Variants in OR5A1 observed in about 807,000 individuals in gnomAD.
The protein encoded by OR5A1 is olfactory receptor 5A1.
OR5A1 carries 6 observed loss-of-function variants against 6.7 expected under a neutral mutation model. That is an observed-to-expected ratio of 0.89 (90% CI 0.49 to 1.76). The LOEUF is 1.76. Ranked by LOEUF, OR5A1 falls within the 40% of genes most tolerant of loss-of-function variation. The probability of loss-of-function intolerance (pLI) is 0.01; values close to 1 mark genes in which losing one functional copy is unlikely to be tolerated. For synonymous variants in OR5A1, 170 were observed against 155.0 expected, an observed-to-expected ratio of 1.10 and a Z score of -0.72; for missense variants, 378 against 381.7, an observed-to-expected ratio of 0.99 and a Z score of 0.08.
At position 59,448,498 on chromosome 11, in the gene OR5A1, C is replaced by A. The variant is rs1341047879; in HGVS notation, c.*4382C>A. The A allele has an allele frequency of 2.0e-5, 3 of 151,894 alleles. No individual in the cohort carries two copies. Among genetic ancestry groups the A allele is most frequent in the Non-Finnish European group, 4.4e-5 (3 of 67,984 alleles). 9.4% of individuals were successfully genotyped at this position (151,894 alleles called of 1,614,324 possible). On this transcript the variant is annotated 3_prime_UTR_variant, in exon 2 of 2. Coordinates refer to ENST00000641045, the MANE Select transcript of OR5A1 (RefSeq NM_001004728.2). ...TTGGATCTTACAGGATTATTATGAG[C>A]CCAAAAAAAGAAAATTGATTTTTAG...
intron 1 of OR5A1, among the ~76,000 whole-genome samples, chr11:59,437,777 C>G (rs1858435861): frequency 6.6e-6 from 1 of 152,168 alleles, no homozygotes; most frequent in Non-Finnish European, 1.5e-5. Flanking sequence ...CTTGATTTAT[C>G]AGTTGAATAA....
chr11:59,442,887 G>A (rs138081006), intron 1 of OR5A1, among the ~76,000 whole-genome samples: 130 of 152,304 alleles, frequency 8.5e-4, no homozygotes, highest in African/African-American at 3.0e-3. Flanking sequence ...AATGGTGGAG[G>A]CAGGAGTTGA....
At chr11:59,439,668 G>A (rs2134534408) in intron 1 of OR5A1, among the ~76,000 whole-genome samples, 1 of 152,230 alleles carries the variant, frequency 6.6e-6, no homozygotes, top group South Asian at 2.1e-4. Context: ...GTTTCAATTT[G>A]TCCAGCTCCA....
intron 1 of OR5A1, among the ~76,000 whole-genome samples, chr11:59,439,315 G>A (rs17153716): frequency 0.03 from 4,555 of 152,254 alleles, 114 homozygotes; most frequent in Admixed American, 0.067. Context: ...TGTCAGTCAA[G>A]GATAGTGTAG....
rs1858591047 is a variant in OR5A1 at position 59,449,480 on chromosome 11, A to T, written c.*5364A>T. On this transcript the variant is annotated 3_prime_UTR_variant, in exon 2 of 2. Transcript: ENST00000641045. Reference sequence around the variant, plus strand: ...CCTAAAATACTGGGCTTCCTAAGACACATTCAAATAAGGTAATTTTTCAAA... The same window carrying T: ...CCTAAAATACTGGGCTTCCTAAGACTCATTCAAATAAGGTAATTTTTCAAA... 1 of 152,218 alleles carries T rather than the reference A, an allele frequency of 6.6e-6. No individual in the cohort carries two copies. The highest frequency in any genetic ancestry group is 1.5e-5 in the Non-Finnish European group (1 of 68,040). 9.4% of individuals were successfully genotyped at this position (152,218 alleles called of 1,614,324 possible).
chr11:59,448,439 G>T lies in OR5A1; in HGVS notation c.*4323G>T, dbSNP rs1858577568. The T allele has an allele frequency of 6.6e-6, 1 of 152,100 alleles. No individual in the cohort carries two copies. The highest frequency in any genetic ancestry group is 2.4e-5 in the African/African-American group (1 of 41,412). The allele number at this position is 152,100 out of a possible 1,614,324, so 9.4% of individuals were successfully genotyped here. ...TCAGTATCTCCAGGTCTCAGTCAAG[G>T]CCTCTTTATGATGACGTTGGTCTCA... is the stretch of plus-strand genomic sequence containing the variant. On this transcript the variant is annotated 3_prime_UTR_variant, in exon 2 of 2. Coordinates refer to ENST00000641045, the MANE Select transcript of OR5A1 (RefSeq NM_001004728.2).
In OR5A1 at chr11:59,443,718, C is replaced by T. The variant is rs769300029; in HGVS notation, c.550C>T (p.Leu184Phe). 29 of 1,614,020 alleles carry T rather than the reference C, an allele frequency of 1.8e-5. No individual in the cohort carries two copies. In the South Asian group the frequency reaches 3.1e-4, roughly 17 times the overall value. ...CATCATCAACCACTTCTTCTGCGAC[C>T]TCCCACCAGTCCTGGCTCTGTCTTG... The part of the protein sequence containing the change: ...PNIINHFFCD[L>F]PPVLALSCSD... Residue 184 changes from leucine to phenylalanine, a missense_variant, in exon 2 of 2, where the codon CTC (leucine) becomes TTC (phenylalanine). Transcript: ENST00000641045.
rs1338361521 is a variant in OR5A1, at chr11:59,443,922, ACT to A, written c.757_758del (p.Leu253AlafsTer67). ...NTCASHLMVV[T>X]LLFGTALFVY... ...GTGTGCCTCGCATCTGATGGTGGTG[ACT>A]CTGCTGTTTGGGACAGCCCTTTTCG... On this transcript the variant is annotated frameshift_variant, in exon 2 of 2. Transcript: ENST00000641045. LOFTEE classifies it high-confidence loss of function. 2.5e-6 allele frequency: 4 copies of A among 1,613,608 alleles called. No homozygotes were observed. Among genetic ancestry groups the A allele is most frequent in the African/African-American group, 2.7e-5 (2 of 74,760 alleles).
Position 59,443,651 on chromosome 11 carries a change from C to G in OR5A1, c.483C>G (p.Ile161Met), listed in dbSNP as rs950280669. The change falls in exon 2 of 2, where the codon ATC becomes ATG. Residue 161 changes from isoleucine (I) to methionine (M), a missense_variant. Transcript: ENST00000641045. ...TTGGTGGCTTCCTGAGCTCCCTGAT[C>G]CAGGCCAGCTCCATATTTAGGCTTC... ...AYVGGFLSSLIQASSIFRLHF... is the reference protein window; with the variant it reads ...AYVGGFLSSLMQASSIFRLHF... The G allele has an allele frequency of 2.5e-5, 41 of 1,614,014 alleles. No individual in the cohort carries two copies. Among genetic ancestry groups the G allele is most frequent in the Non-Finnish European group, 3.1e-5 (37 of 1,180,032 alleles).
chr11:59,444,094 A>G lies in OR5A1; in HGVS notation c.926A>G (p.Glu309Gly). Residue 309 changes from glutamate to glycine, a missense_variant, in exon 2 of 2, where the codon GAA becomes GGA. Transcript: ENST00000641045. ...AAGGATGCCCTGTGGAAGGTGTTGGAAAGGAAGAAAGTGTTTTCTTAGGTC... is the reference window on the plus strand; with the variant it reads ...AAGGATGCCCTGTGGAAGGTGTTGGGAAGGAAGAAAGTGTTTTCTTAGGTC... ...EIKDALWKVL[E>G]RKKVFS 6.2e-7 allele frequency: 1 copy of G among 1,612,354 alleles called. No homozygotes were observed. The highest frequency in any genetic ancestry group is 8.5e-7 in the Non-Finnish European group (1 of 1,178,644).
Position 59,443,190 on chromosome 11 carries a change from A to G in OR5A1, c.22A>G (p.Asn8Asp), listed in dbSNP as rs746428463. 8 of 1,613,968 alleles carry G rather than the reference A, an allele frequency of 5.0e-6. No individual in the cohort carries two copies. Among genetic ancestry groups the G allele is most frequent in the Non-Finnish European group, 6.8e-6 (8 of 1,179,940 alleles). ...AAGCATGTCCATAACCAAAGCCTGG[A>G]ACAGCTCATCAGTGACCATGTTCAT... MSITKAW[N>D]SSSVTMFILL... is the part of the protein sequence containing the mutation. The change falls in exon 2 of 2, where the codon AAC becomes GAC. Residue 8 changes from asparagine to aspartate, a missense_variant. Physicochemically the swap from Asn to Asp is conservative, Grantham distance 23. Transcript: ENST00000641045.
At chr11:59,441,164 G>A (rs1194298017) in intron 1 of OR5A1, among the ~76,000 whole-genome samples, 3 of 152,120 alleles carry the variant, frequency 2.0e-5, no homozygotes, top group Admixed American at 2.0e-4. Context: ...CGCAAATAGA[G>A]TATTACTTCC....
At position 59,443,806 on chromosome 11, in the gene OR5A1, C is replaced by T. The variant is rs574597111; in HGVS notation, c.638C>T (p.Ser213Leu). The change falls in exon 2 of 2, where the codon TCG becomes TTG. Residue 213 changes from serine (S) to leucine (L), a missense_variant. Physicochemically the swap from Ser to Leu is moderately radical, Grantham distance 145. Coordinates refer to ENST00000641045, the MANE Select transcript of OR5A1 (RefSeq NM_001004728.2). ...GTGGTGGTCACTGTCGGAGGAACAT[C>T]GTTCCTCCAACTCCTTATCTCCTAT... The part of the protein sequence containing the change: ...FLVVVTVGGT[S>L]FLQLLISYGY... 17 of 1,613,566 alleles carry T rather than the reference C, an allele frequency of 1.1e-5. No individual in the cohort carries two copies. The highest frequency in any genetic ancestry group is 2.7e-5 in the African/African-American group (2 of 74,882).
chr11:59,438,263 G>T (rs1023879448), intron 1 of OR5A1, among the ~76,000 whole-genome samples: 1 of 152,088 alleles, frequency 6.6e-6, no homozygotes, highest in Non-Finnish European at 1.5e-5. Flanking sequence ...TCTTAAATGG[G>T]ACATATTACT....
chr11:59,441,620 G>C (rs1858480953), intron 1 of OR5A1, among the ~76,000 whole-genome samples: 1 of 152,206 alleles, frequency 6.6e-6, no homozygotes, highest in Non-Finnish European at 1.5e-5. Flanking sequence ...TCAGAGACCT[G>C]ATGACTACAG....
intron 1 of OR5A1, among the ~76,000 whole-genome samples, chr11:59,439,230 C>CATCAATT (rs1316738662): frequency 6.6e-6 from 1 of 152,170 alleles, no homozygotes; most frequent in Non-Finnish European, 1.5e-5. Context: ...TACGAGTCCC[C>CATCAATT]ATCAATTATC....
intron 1 of OR5A1, among the ~76,000 whole-genome samples, chr11:59,440,291 C>A (rs888524223): frequency 6.6e-6 from 1 of 152,094 alleles, no homozygotes. Context: ...AGGTTGGTCT[C>A]GAGCTCCTGG....
intron 1 of OR5A1, 24 bp from the exon 2 acceptor site, chr11:59,443,112 T>C (rs1390908246): frequency 1.5e-6 from 2 of 1,333,012 alleles, no homozygotes; most frequent in Non-Finnish European, 2.1e-6. Flanking sequence ...CCACCTATAA[T>C]GTGGACTGTC....
intron 1 of OR5A1, among the ~76,000 whole-genome samples, chr11:59,437,941 G>C (rs1858438028): frequency 6.6e-6 from 1 of 152,148 alleles, no homozygotes; most frequent in Admixed American, 6.5e-5. Context: ...CCCATGGGGC[G>C]GATCCTTCAT....
Sources: gnomAD v4.1 joint callset for allele counts (sites outside exome capture counted in the v4.1 genomes callset) on GRCh38, gnomAD v4.1.1 for gene constraint, MANE v1.5 for transcripts, NCBI Gene and HGNC (gene_info 2026-07-23, HGNC 2026-07-21) for gene names.